Variants in PPIL6 observed in about 807,000 individuals in gnomAD.
PPIL6 encodes the protein peptidylprolyl isomerase like 6.
Under a neutral mutation model 36.8 loss-of-function variants are expected in PPIL6, and 39 were observed. The ratio of observed to expected loss-of-function variants is 1.06; its 90% CI spans 0.82 to 1.38. The LOEUF is 1.38. Among genes scored for constraint, PPIL6 ranks in the 40% most tolerant of loss-of-function variants. The pLI, the probability that PPIL6 is intolerant of heterozygous loss-of-function variation, is 0.00. For synonymous variants in PPIL6, 123 were observed against 134.1 expected (o/e 0.92, Z 0.57); for missense variants, 368 against 379.1 (o/e 0.97, Z 0.24).
chr6:109,416,200 C>CTTTTT (rs35427534), intron 6 of PPIL6, among the ~76,000 whole-genome samples: 2 of 112,518 alleles, frequency 1.8e-5, no homozygotes, highest in Admixed American at 9.6e-5. Flanking sequence ...TCTTTTGTGG[C>CTTTTT]TTTTTTTTTT....
At chr6:109,408,429 A>C (rs1390506504) in intron 6 of PPIL6, among the ~76,000 whole-genome samples, 1 of 152,160 alleles carries the variant, frequency 6.6e-6, no homozygotes, top group Admixed American at 6.5e-5. Context: ...AAGTGGTTTC[A>C]ATTTTTTAGA....
intron 5 of PPIL6, among the ~76,000 whole-genome samples, chr6:109,425,749 C>CAAA (rs34275471): frequency 9.6e-6 from 1 of 103,670 alleles, no homozygotes; most frequent in Non-Finnish European, 2.0e-5. Context: ...GACTCCGTTT[C>CAAA]AAAAAAAAAA....
chr6:109,403,033 C>G, intron 6 of PPIL6: 1 of 1,528,556 alleles, frequency 6.5e-7, no homozygotes, highest in Non-Finnish European at 8.8e-7. Flanking sequence ...CTGCTCACCT[C>G]GGTATTTCTC....
At chr6:109,404,511 A>G (rs2115208332) in intron 6 of PPIL6, among the ~76,000 whole-genome samples, 1 of 152,378 alleles carries the variant, frequency 6.6e-6, no homozygotes, top group Middle Eastern at 3.4e-3. Context: ...CAACTGGCAC[A>G]GCACCTGTAG....
chr6:109,416,976 T>TGG, intron 6 of PPIL6, among the ~76,000 whole-genome samples: 1 of 152,084 alleles, frequency 6.6e-6, no homozygotes, highest in East Asian at 1.9e-4. Context: ...GAGACCAGCT[T>TGG]GGACAACAGA....
At chr6:109,409,289 C>T (rs187258662) in intron 6 of PPIL6, among the ~76,000 whole-genome samples, 117 of 152,222 alleles carry the variant, frequency 7.7e-4, no homozygotes, top group Non-Finnish European at 1.5e-3. Context: ...AGGTCAGGTG[C>T]GGTGGCTCAC....
rs1774798458 is a variant in PPIL6, at chr6:109,440,600, C to T, written c.-10G>A. 9 of 1,332,132 alleles carry T rather than the reference C, an allele frequency of 6.8e-6. No homozygotes were observed. Among genetic ancestry groups the T allele is most frequent in the East Asian group, 3.2e-5 (1 of 31,026 alleles). The allele number at this position is 1,332,132 out of a possible 1,614,324, so 82.5% of individuals were successfully genotyped here. ...GCTGCGGCCTTGCCATGGCCGCGCC[C>T]GGGGACGCCCGGTGACCCCAAACAC... On this transcript the variant is annotated 5_prime_UTR_variant, in exon 1 of 8. Coordinates refer to ENST00000521072, the MANE Select transcript of PPIL6 (RefSeq NM_173672.5).
chr6:109,435,673 C>T (rs372718374), intron 2 of PPIL6, among the ~76,000 whole-genome samples: 5 of 152,046 alleles, frequency 3.3e-5, no homozygotes, highest in Admixed American at 2.6e-4. Context: ...GCCTGTAATC[C>T]CAGCACTTTG....
In PPIL6 at chr6:109,431,247, G is replaced by A. The variant is rs775037794; in HGVS notation, c.330C>T (p.His110=). ...GDALDLQKWA[H]EVWDIVDIKP... is the part of the protein sequence containing the mutation. ...TAATGTCAACTATATCCCACACCTC[G>A]TGGGCCCATTTCTGCAGATCCAATG... The change falls in exon 3 of 8, where the codon CAC becomes CAT. Residue 110 remains histidine, a synonymous_variant. Coordinates refer to ENST00000521072, the MANE Select transcript of PPIL6 (RefSeq NM_173672.5). 24 of 1,613,240 alleles carry A rather than the reference G, an allele frequency of 1.5e-5. No homozygotes were observed. Among genetic ancestry groups the A allele is most frequent in the South Asian group, 1.1e-4 (10 of 91,056 alleles).
chr6:109,420,675 C>T (rs1165763353), intron 5 of PPIL6, among the ~76,000 whole-genome samples: 1 of 152,314 alleles, frequency 6.6e-6, no homozygotes, highest in Non-Finnish European at 1.5e-5. Context: ...TGTCTACTAA[C>T]TTCAGCTCTA....
chr6:109,400,055 A>G lies in PPIL6; in HGVS notation c.804T>C (p.Asp268=), dbSNP rs201363026. 1.8e-5 allele frequency: 29 copies of G among 1,612,344 alleles called. No homozygotes were observed. The Admixed American group carries it at 3.8e-4, about 21-fold the overall frequency. ...YITLQATPYL[D]RKFVAFGQLI... ...CATACCCAAAAGCCACAAATTTTCT[A>G]TCTAGATAAGGAGTTGCTTGCAGTG... is the stretch of plus-strand genomic sequence containing the variant. Residue 268 remains aspartate (D), a synonymous_variant, in exon 7 of 8, where the codon GAT becomes GAC. Coordinates refer to ENST00000521072, the MANE Select transcript of PPIL6 (RefSeq NM_173672.5).
chr6:109,441,082 G>C, upstream of PPIL6: 2 of 1,611,956 alleles, frequency 1.2e-6, no homozygotes, highest in Non-Finnish European at 1.7e-6. Flanking sequence ...GCCGTCGCTG[G>C]AGAGTTCGAG....
intron 5 of PPIL6, among the ~76,000 whole-genome samples, chr6:109,422,476 T>C (rs1252327339): frequency 6.6e-6 from 1 of 152,174 alleles, no homozygotes; most frequent in Non-Finnish European, 1.5e-5. Flanking sequence ...GTGCCTGTAG[T>C]TCCAGCTACT....
chr6:109,424,076 GA>G (rs1464909605), intron 5 of PPIL6, among the ~76,000 whole-genome samples: 3 of 152,162 alleles, frequency 2.0e-5, no homozygotes, highest in African/African-American at 7.2e-5. Flanking sequence ...TAGGAAGAAA[GA>G]TAAAACAAGG....
At chr6:109,424,350 CAACCGAGTGTGT>C (rs1003511966) in intron 5 of PPIL6, among the ~76,000 whole-genome samples, 2 of 151,960 alleles carry the variant, frequency 1.3e-5, no homozygotes, top group African/African-American at 4.8e-5. Context: ...GCTGTGTGTG[CAACCGAGTGTGT>C]AAGAGGTCAG....
At chr6:109,441,094 C>G (rs1774850200), upstream of PPIL6, 14 of 1,613,552 alleles carry the variant, frequency 8.7e-6, no homozygotes, top group Non-Finnish European at 9.3e-6. Context: ...GAGTTCGAGC[C>G]GCCTAGCGCC....
intron 2 of PPIL6, among the ~76,000 whole-genome samples, chr6:109,432,369 C>A (rs1334219885): frequency 1.3e-5 from 2 of 152,128 alleles, no homozygotes; most frequent in African/African-American, 2.4e-5. Flanking sequence ...TTCATCAACA[C>A]AACGCTGATG....
At chr6:109,429,722 G>A (rs2115273438) in intron 3 of PPIL6, among the ~76,000 whole-genome samples, 1 of 152,318 alleles carries the variant, frequency 6.6e-6, no homozygotes, top group South Asian at 2.1e-4. Flanking sequence ...CAGTTCCCTG[G>A]CAGCACATCC....
At chr6:109,416,393 G>A (rs1323368963) in intron 6 of PPIL6, among the ~76,000 whole-genome samples, 2 of 151,910 alleles carry the variant, frequency 1.3e-5, no homozygotes, top group African/African-American at 4.8e-5. Context: ...AGTAGAGACA[G>A]GGTTTCACCA....
Sources: gnomAD v4.1 joint callset for allele counts (sites outside exome capture counted in the v4.1 genomes callset) on GRCh38, gnomAD v4.1.1 for gene constraint, MANE v1.5 for transcripts, NCBI Gene and HGNC (gene_info 2026-07-23, HGNC 2026-07-21) for gene names.